EEF1B2: variants seen among roughly 807,000 people sequenced by gnomAD.
EEF1B2 encodes elongation factor 1-beta.
In EEF1B2, 12 loss-of-function variants were observed where a neutral mutation model predicts 28.3. That is an observed-to-expected ratio of 0.42 (90% CI 0.27 to 0.69). The LOEUF is 0.69. Ranked by LOEUF, EEF1B2 falls within the 30% of genes least tolerant of loss-of-function variation. The pLI, the probability that EEF1B2 is intolerant of heterozygous loss-of-function variation, is 0.22. For synonymous variants in EEF1B2, 83 were observed against 99.9 expected, an observed-to-expected ratio of 0.83 and a Z score of 1.01; for missense variants, 234 against 272.6, an observed-to-expected ratio of 0.86 and a Z score of 1.00.
Position 206,162,549 on chromosome 2 carries a change from C to T in EEF1B2, c.458C>T (p.Thr153Ile), listed in dbSNP as rs1687964295. Residue 153 changes from threonine to isoleucine, a missense_variant, in exon 5 of 6, where the codon ACA becomes ATA. By Grantham distance (89) the Thr-to-Ile change is moderately conservative. Around this residue, in one of 2 missense-constraint regions of EEF1B2, gnomAD observed 56 missense variants for 99.3 expected, o/e 0.56. Transcript: ENST00000392222. ...LLDVKPWDDE[T>I]DMAKLEECVR... ...GATGTGAAACCTTGGGATGATGAGACAGATATGGCGAAATTAGAGGAGTGC... is the reference window on the plus strand; with the variant it reads ...GATGTGAAACCTTGGGATGATGAGATAGATATGGCGAAATTAGAGGAGTGC... 1 of 1,613,294 alleles carries T rather than the reference C, an allele frequency of 6.2e-7. No homozygotes were observed. Among genetic ancestry groups the T allele is most frequent in the East Asian group, 2.2e-5 (1 of 44,874 alleles).
At position 206,161,389 on chromosome 2, in the gene EEF1B2, G is replaced by C; in HGVS notation, c.247G>C (p.Asp83His). 1 of 1,614,134 alleles carries C rather than the reference G, an allele frequency of 6.2e-7. No individual in the cohort carries two copies. The highest frequency in any genetic ancestry group is 8.5e-7 in the Non-Finnish European group (1 of 1,180,012). ...AGCTTTGGGCAAATATGGTCCTGCC[G>C]ATGTGGAAGACACTACAGGAAGTGG... ...KKALGKYGPADVEDTTGSGAT... is the reference protein window; with the variant it reads ...KKALGKYGPAHVEDTTGSGAT... The change falls in exon 3 of 6, where the codon GAT becomes CAT. Residue 83 changes from aspartate to histidine, a missense_variant. By Grantham distance (81) the Asp-to-His change is moderately conservative. Transcript: ENST00000392222.
At position 206,161,217 on chromosome 2, in the gene EEF1B2, T is replaced by C. The variant is rs923570873; in HGVS notation, c.204-129T>C. 3.0e-6 allele frequency: 4 copies of C among 1,321,248 alleles called. No individual in the cohort carries two copies. In the African/African-American group the frequency reaches 4.4e-5, roughly 15 times the overall value. 81.8% of individuals were successfully genotyped at this position (1,321,248 alleles called of 1,614,324 possible). On this transcript the variant is annotated intron_variant, in intron 2 of 5. Coordinates refer to ENST00000392222, the MANE Select transcript of EEF1B2 (RefSeq NM_001959.4). ...ATATGACAGTGTTTACCTGGGCGCA[T>C]GTGAAAGGGTAAATTATGATTGCAA...
At chr2:206,161,255 G>A in intron 2 of EEF1B2, 91 bp from the exon 3 acceptor site, 1 of 1,556,626 alleles carries the variant, frequency 6.4e-7, no homozygotes, top group Non-Finnish European at 8.7e-7. Flanking sequence ...GGGATCTAGT[G>A]ATAAGTAGTG....
At position 206,162,036 on chromosome 2, in the gene EEF1B2, A is replaced by C; in HGVS notation, c.331-2A>C. ...AAGTGGATTAATTTTTTTTCTTTAC[A>C]GGAAAGTGAAGAAGCAAAGAGGCTA... On this transcript the variant is annotated splice_acceptor_variant, in intron 3 of 5. Coordinates refer to ENST00000392222, the MANE Select transcript of EEF1B2 (RefSeq NM_001959.4). LOFTEE classifies it high-confidence loss of function. 6.2e-7 allele frequency: 1 copy of C among 1,613,766 alleles called. No homozygotes were observed. The highest frequency in any genetic ancestry group is 8.5e-7 in the Non-Finnish European group (1 of 1,179,726).
In EEF1B2 at chr2:206,160,413, G is replaced by C; in HGVS notation, c.81-175G>C. On this transcript the variant is annotated intron_variant, in intron 1 of 5. Transcript: ENST00000392222. ...AGTGGCAGACATTTCTCAGGATAGC[G>C]CGGTGACCCAAACATATGGTTTGAT... The C allele has an allele frequency of 6.1e-6, 7 of 1,142,100 alleles. No individual in the cohort carries two copies. In the South Asian group the frequency reaches 9.5e-5, roughly 16 times the overall value. The allele number at this position is 1,142,100 out of a possible 1,614,324, so 70.7% of individuals were successfully genotyped here. A position where few individuals can be genotyped will look rare whatever the true frequency, so the allele number is the denominator to read the frequency against.
rs1559073467 is a variant in EEF1B2, at chr2:206,161,448, CCT to C, written c.309_310del (p.Phe104TrpfsTer3). On this transcript the variant is annotated frameshift_variant, in exon 3 of 6. Transcript: ENST00000392222. LOFTEE classifies it high-confidence loss of function. The stretch of plus-strand genomic sequence containing the variant: ...ATAGTAAAGATGATGATGACATTGA[CCT>C]CTTTGGATCTGATGATGAGGAGGTA... ...TDSKDDDDID[L>X]FGSDDEEESE... 6.2e-7 allele frequency: 1 copy of C among 1,613,812 alleles called. No homozygotes were observed. Among genetic ancestry groups the C allele is most frequent in the East Asian group, 2.2e-5 (1 of 44,864 alleles).
At chr2:206,160,277 G>A (rs1687874313) in intron 1 of EEF1B2, among the ~76,000 whole-genome samples, 1 of 152,228 alleles carries the variant, frequency 6.6e-6, no homozygotes, top group Non-Finnish European at 1.5e-5. Context: ...AGGTTAAAAT[G>A]TGCTTTATTT....
At chr2:206,161,191 C>CAT (rs1190881498) in intron 2 of EEF1B2, 155 bp from the exon 3 acceptor site, 1 of 958,926 alleles carries the variant, frequency 1.0e-6, no homozygotes, top group African/African-American at 1.7e-5. Flanking sequence ...AGGAGTTGAA[C>CAT]ATATGACAGT....
At chr2:206,161,073 A>G (rs1447501348) in intron 2 of EEF1B2, 8 of 580,446 alleles carry the variant, frequency 1.4e-5, no homozygotes, top group African/African-American at 3.7e-5. Flanking sequence ...CTAAGAATGG[A>G]ACTGAGCATA....
At chr2:206,160,175 T>A in intron 1 of EEF1B2, 116 bp downstream of exon 1, 1 of 1,308,052 alleles carries the variant, frequency 7.6e-7, no homozygotes, top group Non-Finnish European at 1.0e-6. Context: ...CGGGGCCCTT[T>A]CGAGAGGGAG....
Position 206,162,088 on chromosome 2 carries a change from A to C in EEF1B2, c.381A>C (p.Glu127Asp). The C allele has an allele frequency of 6.2e-7, 1 of 1,614,030 alleles. No individual in the cohort carries two copies. The highest frequency in any genetic ancestry group is 1.1e-5 in the South Asian group (1 of 91,018). The change falls in exon 4 of 6, where the codon GAA (glutamate) becomes GAC (aspartate). Residue 127 changes from glutamate (E) to aspartate (D), a missense_variant. By Grantham distance (45) the Glu-to-Asp change is conservative. This residue lies in a region of EEF1B2 where 178 missense variants were observed against 173.3 expected (regional missense o/e 1.03). Coordinates refer to ENST00000392222, the MANE Select transcript of EEF1B2 (RefSeq NM_001959.4). ...RLREERLAQY[E>D]SKKAKKPALV... ...GGGAAGAACGTCTTGCACAATATGA[A>C]TCAAAGAAAGCCAAAAGTAGGTCAT...
chr2:206,159,710 T>G, upstream of EEF1B2: 1 of 350,968 alleles, frequency 2.8e-6, no homozygotes, highest in Admixed American at 4.5e-5. Context: ...ATGCCTATTT[T>G]ATTAATTTAC....
chr2:206,160,326 G>A (rs745959446), intron 1 of EEF1B2, among the ~76,000 whole-genome samples: 1 of 152,228 alleles, frequency 6.6e-6, no homozygotes, highest in African/African-American at 2.4e-5. Flanking sequence ...TCGCTGCCCA[G>A]TTAATACATG....
chr2:206,160,009 C>T lies in EEF1B2; in HGVS notation c.30C>T (p.Ala10=), dbSNP rs778697927. 12 of 1,613,304 alleles carry T rather than the reference C, an allele frequency of 7.4e-6. No individual in the cohort carries two copies. The Admixed American group carries it at 1.5e-4, about 20-fold the overall frequency. MGFGDLKSP[A]GLQVLNDYLA... is the part of the protein sequence containing the mutation. Reference sequence around the variant, plus strand: ...GTTTCGGAGACCTGAAAAGCCCTGCCGGCCTCCAGGTGCTCAACGATTACC... The same window carrying T: ...GTTTCGGAGACCTGAAAAGCCCTGCTGGCCTCCAGGTGCTCAACGATTACC... Residue 10 remains alanine (A), a synonymous_variant, in exon 1 of 6, where the codon GCC becomes GCT. Transcript: ENST00000392222.
At chr2:206,160,871 T>G (rs1480648090) in intron 2 of EEF1B2, 161 bp downstream of exon 2, 1 of 1,074,740 alleles carries the variant, frequency 9.3e-7, no homozygotes, top group South Asian at 1.3e-5. Context: ...AAGCCCTCCA[T>G]TTTTTCACAG....
intron 3 of EEF1B2, 111 bp from the exon 4 acceptor site, chr2:206,161,927 T>C (rs1687946312): frequency 3.4e-6 from 3 of 892,506 alleles, no homozygotes; most frequent in Non-Finnish European, 5.7e-6. Context: ...GCTGAGTTCG[T>C]GATGGATTTG....
rs779654149 is a variant in EEF1B2, at chr2:206,161,491, A to G, written c.330+19A>G. On this transcript the variant is annotated intron_variant, in intron 3 of 5. Coordinates refer to ENST00000392222, the MANE Select transcript of EEF1B2 (RefSeq NM_001959.4). Reference sequence around the variant, plus strand: ...TGAGGAGGTATGGCGTCTTCTATAAAGAACATATCGGCCAGGCGCAGTGGC... The same window carrying G: ...TGAGGAGGTATGGCGTCTTCTATAAGGAACATATCGGCCAGGCGCAGTGGC... 6.2e-7 allele frequency: 1 copy of G among 1,612,894 alleles called. No individual in the cohort carries two copies. The highest frequency in any genetic ancestry group is 1.1e-5 in the South Asian group (1 of 91,022).
chr2:206,160,080 G>A (rs758349308), intron 1 of EEF1B2, 21 bp downstream of exon 1: 1 of 1,607,626 alleles, frequency 6.2e-7, no homozygotes, highest in South Asian at 1.1e-5. Context: ...GGGCTGAGTC[G>A]GGGTGGCGGG....
chr2:206,161,967 T>C (rs746766958), intron 3 of EEF1B2, 71 bp from the exon 4 acceptor site: 13 of 1,324,194 alleles, frequency 9.8e-6, no homozygotes, highest in Non-Finnish European at 1.2e-5. Context: ...GTCTTTTTTG[T>C]GATGACCCCA....
Sources: allele counts gnomAD v4.1 joint callset (sites outside exome capture counted in the v4.1 genomes callset), GRCh38; gene constraint gnomAD v4.1.1; regional missense constraint gnomAD v4.1.1; transcripts MANE v1.5; gene names NCBI Gene and HGNC (gene_info 2026-07-23, HGNC 2026-07-21).